The following ERBB4 variants were observed in gnomAD, a reference collection of about 807,000 sequenced individuals.
The protein encoded by ERBB4 is receptor tyrosine-protein kinase erbB-4.
ERBB4 carries 42 observed loss-of-function variants against 158.0 expected under a neutral mutation model. That is an observed-to-expected ratio of 0.27 (90% confidence interval 0.21 to 0.34). The LOEUF (loss-of-function observed/expected upper bound fraction) is 0.34, where lower values mean the gene tolerates loss of function less well. Among genes scored for constraint, ERBB4 ranks in the 10% least tolerant of loss-of-function variants. ERBB4 has a pLI of 1.00. For synonymous variants in ERBB4, 583 were observed against 558.7 expected (o/e 1.04, Z -0.61); for missense variants, 1,333 against 1,624.1 (o/e 0.82, Z 3.08).
Position 211,436,806 on chromosome 2 carries a change from C to T in ERBB4, c.2488-5706G>A, listed in dbSNP as rs145306028. ...ATTATTATTCAAAGTATTATTTTAA[C>T]AATAATTCACCCGAAGATGCTGTCA... On this transcript the variant is annotated intron_variant, in intron 20 of 27. Transcript: ENST00000342788. Among the ~76,000 whole-genome samples, 15 of 152,136 alleles carry T rather than the reference C, an allele frequency of 9.9e-5. No individual in the cohort carries two copies. The East Asian group carries it at 2.9e-3, about 29-fold the overall frequency.
At chr2:211,560,177 TTAA>T in intron 20 of ERBB4, among the ~76,000 whole-genome samples, 1 of 150,854 alleles carries the variant, frequency 6.6e-6, no homozygotes, top group Non-Finnish European at 1.5e-5. Flanking sequence ...AAATGATATA[TTAA>T]TAACACAAAC....
rs2125138083 is a variant in ERBB4 at position 211,947,533 on chromosome 2, A to G, written c.318T>C (p.Arg106=). ...YLPLENLRII[R]GTKLYEDRYA... ...ATCGATCCTCATAAAGTTTTGTCCC[A>G]CGAATAATGCGTAAATTCTCCAGAG... is the stretch of plus-strand genomic sequence containing the variant. The change falls in exon 3 of 28, where the codon CGT becomes CGC. Residue 106 remains arginine, a synonymous_variant. Transcript: ENST00000342788. 6.2e-7 allele frequency: 1 copy of G among 1,613,888 alleles called. No homozygotes were observed. The highest frequency in any genetic ancestry group is 2.2e-5 in the East Asian group (1 of 44,826).
chr2:211,553,362 C>G (rs915934670), intron 20 of ERBB4, among the ~76,000 whole-genome samples: 1 of 152,148 alleles, frequency 6.6e-6, no homozygotes, highest in Admixed American at 6.5e-5. Context: ...GGATGAGAGA[C>G]TCAGGTTCCT....
At position 211,665,359 on chromosome 2, in the gene ERBB4, C is replaced by G. The variant is rs139122290; in HGVS notation, c.1835G>C (p.Arg612Pro). The change falls in exon 15 of 28, where the codon CGG becomes CCG. Residue 612 changes from arginine (R) to proline (P), a missense_variant. Arg to Pro is a moderately radical substitution (Grantham distance 103). Coordinates refer to ENST00000342788, the MANE Select transcript of ERBB4 (RefSeq NM_005235.3). ...GTTTGGATGGCATGGGTGGCACTCCCGATCTGGATCAGCATACTTGAAAAT... is the reference window on the plus strand; with the variant it reads ...GTTTGGATGGCATGGGTGGCACTCCGGATCTGGATCAGCATACTTGAAAAT... ...SFIFKYADPD[R>P]ECHPCHPNCT... is the part of the protein sequence containing the mutation. 15 of 1,614,012 alleles carry G rather than the reference C, an allele frequency of 9.3e-6. No homozygotes were observed. The highest frequency in any genetic ancestry group is 1.3e-5 in the African/African-American group (1 of 74,918).
In ERBB4 at chr2:211,535,416, C is replaced by CAAG. The variant is rs368890602; in HGVS notation, c.2487+26484_2487+26486dup. Among the ~76,000 whole-genome samples the CAAG allele has an allele frequency of 1.1e-3, 161 of 152,062 alleles. 1 individual carries two copies. Among genetic ancestry groups the CAAG allele is most frequent in the African/African-American group, 3.5e-3 (147 of 41,498 alleles). On this transcript the variant is annotated intron_variant, in intron 20 of 27. Coordinates refer to ENST00000342788, the MANE Select transcript of ERBB4 (RefSeq NM_005235.3). Reference sequence around the variant, plus strand: ...TTAAAATATACTCTGGGCTTGGAATCAAGAGTCTTAGGTACCAGCATTAGG... The same window carrying CAAG: ...TTAAAATATACTCTGGGCTTGGAATCAAGAAGAGTCTTAGGTACCAGCATTAGG...
chr2:212,298,732 G>A (rs1205597167), intron 1 of ERBB4, among the ~76,000 whole-genome samples: 1 of 151,678 alleles, frequency 6.6e-6, no homozygotes, highest in Non-Finnish European at 1.5e-5. Context: ...TTTTTGCAGA[G>A]CTGCCTCCAC....
intron 1 of ERBB4, among the ~76,000 whole-genome samples, chr2:212,444,583 A>G (rs1574929952): frequency 6.6e-6 from 1 of 152,282 alleles, no homozygotes; most frequent in East Asian, 1.9e-4. Flanking sequence ...TTAATAATCA[A>G]GTGGATATGA....
chr2:212,477,058 A>C (rs2106144189), intron 1 of ERBB4, among the ~76,000 whole-genome samples: 1 of 152,330 alleles, frequency 6.6e-6, no homozygotes, highest in South Asian at 2.1e-4. Context: ...TGTAATTAAA[A>C]AGATTAAATG....
intron 3 of ERBB4, among the ~76,000 whole-genome samples, chr2:211,820,763 A>G (rs1320904718): frequency 2.0e-5 from 3 of 151,894 alleles, no homozygotes; most frequent in Non-Finnish European, 4.4e-5. Flanking sequence ...TTTATTCCAG[A>G]AGTGCAAGGA....
At chr2:211,540,986 A>G (rs934552506) in intron 20 of ERBB4, among the ~76,000 whole-genome samples, 2 of 151,938 alleles carry the variant, frequency 1.3e-5, no homozygotes, top group African/African-American at 4.8e-5. Context: ...GTGAGGGCTG[A>G]CTGTAGCCAT....
At chr2:211,767,912 CA>C (rs1325382862) in intron 4 of ERBB4, among the ~76,000 whole-genome samples, 1 of 152,202 alleles carries the variant, frequency 6.6e-6, no homozygotes, top group Admixed American at 6.5e-5. Flanking sequence ...GCCCTCCCAA[CA>C]GACCCCCAAA....
At chr2:212,191,580 CCTGTTATATATAACACATGT>C (rs2082206569) in intron 1 of ERBB4, among the ~76,000 whole-genome samples, 3 of 46,860 alleles carry the variant, frequency 6.4e-5, no homozygotes, top group Admixed American at 2.0e-4. Flanking sequence ...ATGTGTTATG[CCTGTTATATATAACACATGT>C]GTTATGCCTG....
At chr2:211,481,049 G>A (rs1169631282) in intron 20 of ERBB4, among the ~76,000 whole-genome samples, 1 of 152,040 alleles carries the variant, frequency 6.6e-6, no homozygotes, top group African/African-American at 2.4e-5. Flanking sequence ...CAGTCACTTG[G>A]TTCACCAATT....
At chr2:211,683,300 C>T (rs2072430545) in intron 12 of ERBB4, among the ~76,000 whole-genome samples, 1 of 152,082 alleles carries the variant, frequency 6.6e-6, no homozygotes, top group Non-Finnish European at 1.5e-5. Flanking sequence ...TAATTTTGTA[C>T]TTGTATCTTC....
intron 1 of ERBB4, among the ~76,000 whole-genome samples, chr2:212,277,002 C>T (rs1478769679): frequency 2.0e-5 from 3 of 151,610 alleles, no homozygotes; most frequent in East Asian, 3.9e-4. Context: ...TGCCATGGTG[C>T]CATTACATTA....
chr2:211,681,981 T>G (rs12694250), intron 12 of ERBB4, among the ~76,000 whole-genome samples: 1 of 151,034 alleles, frequency 6.6e-6, no homozygotes, highest in East Asian at 1.9e-4. Flanking sequence ...TAGAGTTAAT[T>G]TGCACATATG....
At chr2:212,055,408 T>A (rs1038836922) in intron 2 of ERBB4, among the ~76,000 whole-genome samples, 1 of 152,224 alleles carries the variant, frequency 6.6e-6, no homozygotes, top group Non-Finnish European at 1.5e-5. Flanking sequence ...AATGTCCCTG[T>A]CTGACAGCTT....
At chr2:212,301,676 C>T (rs2086627942) in intron 1 of ERBB4, among the ~76,000 whole-genome samples, 1 of 138,916 alleles carries the variant, frequency 7.2e-6, no homozygotes, top group Non-Finnish European at 1.6e-5. Flanking sequence ...TTACACACCA[C>T]ACACTTCTAG....
At chr2:212,124,967 AT>A in intron 1 of ERBB4, 64 bp from the exon 2 acceptor site, 2 of 1,568,616 alleles carry the variant, frequency 1.3e-6, no homozygotes, top group South Asian at 2.2e-5. Flanking sequence ...CAATGATAAT[AT>A]CTTTCTCAAA....
Sources: allele counts gnomAD v4.1 joint callset (sites outside exome capture counted in the v4.1 genomes callset), GRCh38; gene constraint gnomAD v4.1.1; transcripts MANE v1.5; gene names NCBI Gene and HGNC (gene_info 2026-07-23, HGNC 2026-07-21).